The following EPB41L4B variants were observed in gnomAD, a reference collection of about 807,000 sequenced individuals.
The protein encoded by EPB41L4B is band 4.1-like protein 4B.
A neutral mutation model predicts 112.5 loss-of-function variants in EPB41L4B; 30 were observed. The ratio of observed to expected loss-of-function variants is 0.27; its 90% CI spans 0.20 to 0.36. The LOEUF is 0.36. Among genes scored for constraint, EPB41L4B ranks in the 10% least tolerant of loss-of-function variants. The pLI is 1.00. For synonymous variants in EPB41L4B, 408 were observed against 439.7 expected (o/e 0.93, Z 0.90); for missense variants, 1,024 against 1,133.3 (o/e 0.90, Z 1.38).
At chr9:109,251,004 T>C (rs1357584593) in intron 13 of EPB41L4B, among the ~76,000 whole-genome samples, 1 of 152,238 alleles carries the variant, frequency 6.6e-6, no homozygotes, top group Non-Finnish European at 1.5e-5. Flanking sequence ...TGCTGAATCC[T>C]GTGCTGGCAA....
chr9:109,183,667 T>C (rs1832146803), intron 23 of EPB41L4B, among the ~76,000 whole-genome samples: 1 of 152,174 alleles, frequency 6.6e-6, no homozygotes, highest in Non-Finnish European at 1.5e-5. Context: ...TGCACATTCC[T>C]GGGGGACAGA....
intron 17 of EPB41L4B, among the ~76,000 whole-genome samples, chr9:109,210,616 T>C (rs1833132506): frequency 6.6e-6 from 1 of 152,252 alleles, no homozygotes; most frequent in Admixed American, 6.5e-5. Context: ...TTGTTCATTC[T>C]GGACAATGCA....
intron 19 of EPB41L4B, among the ~76,000 whole-genome samples, chr9:109,203,304 G>C (rs1479980454): frequency 1.3e-5 from 2 of 152,142 alleles, no homozygotes; most frequent in Non-Finnish European, 2.9e-5. Flanking sequence ...GGTCTTGAAG[G>C]GCCTGGCCTC....
At chr9:109,235,523 G>A (rs116110620) in intron 15 of EPB41L4B, among the ~76,000 whole-genome samples, 1,877 of 150,338 alleles carry the variant, frequency 0.012, 30 homozygotes, top group African/African-American at 0.036. Flanking sequence ...AGTCTCCCAA[G>A]TAGCTGGGAC....
chr9:109,321,018 G>A lies in EPB41L4B; in HGVS notation c.-572C>T, dbSNP rs1470137987. 2 of 187,354 alleles carry A rather than the reference G, an allele frequency of 1.1e-5. No individual in the cohort carries two copies. The highest frequency in any genetic ancestry group is 5.9e-5 in the Admixed American group (1 of 16,952). 11.6% of individuals were successfully genotyped at this position (187,354 alleles called of 1,614,324 possible). ...GGAGGCTGCACCTCCAGCCGCCGCC[G>A]CCGCCGCCGCCGCCGCTGCCGCCGG... On this transcript the variant is annotated 5_prime_UTR_variant, in exon 1 of 26. Coordinates refer to ENST00000374566, the MANE Select transcript of EPB41L4B (RefSeq NM_019114.5).
At chr9:109,245,279 T>G (rs1233620912) in intron 14 of EPB41L4B, among the ~76,000 whole-genome samples, 1 of 152,218 alleles carries the variant, frequency 6.6e-6, no homozygotes, top group Admixed American at 6.5e-5. Context: ...AAGGCTGACC[T>G]AGAACTGGAC....
chr9:109,263,008 C>A, intron 6 of EPB41L4B, 42 bp downstream of exon 6: 1 of 1,372,458 alleles, frequency 7.3e-7, no homozygotes, highest in Admixed American at 1.8e-5. Context: ...AAATAAAAAG[C>A]AATAACATTA....
At chr9:109,241,620 A>T in intron 15 of EPB41L4B, 1 of 1,609,372 alleles carries the variant, frequency 6.2e-7, no homozygotes, top group South Asian at 1.1e-5. Context: ...ATGGAATGCA[A>T]TGAAACTATG....
intron 1 of EPB41L4B, among the ~76,000 whole-genome samples, chr9:109,283,630 G>C (rs955894498): frequency 6.6e-6 from 1 of 152,138 alleles, no homozygotes; most frequent in Non-Finnish European, 1.5e-5. Flanking sequence ...TAGGTAAACA[G>C]ACTTTAAAGG....
chr9:109,247,731 A>G, intron 14 of EPB41L4B, 25 bp downstream of exon 14: 1 of 1,372,310 alleles, frequency 7.3e-7, no homozygotes, highest in Non-Finnish European at 9.5e-7. Context: ...TTCTTTAAAG[A>G]AAACCTTTAA....
intron 1 of EPB41L4B, among the ~76,000 whole-genome samples, chr9:109,306,435 A>G (rs955456310): frequency 1.3e-5 from 2 of 152,034 alleles, no homozygotes; most frequent in African/African-American, 2.4e-5. Context: ...CCAATATGGC[A>G]AAACCCCGTC....
chr9:109,196,523 G>C (rs1052742300), intron 20 of EPB41L4B, among the ~76,000 whole-genome samples: 2 of 152,094 alleles, frequency 1.3e-5, no homozygotes, highest in Non-Finnish European at 2.9e-5. Context: ...TCCGAGACCA[G>C]CCTGGGCAAC....
chr9:109,253,597 G>T, intron 11 of EPB41L4B, 47 bp from the exon 12 acceptor site: 1 of 1,214,852 alleles, frequency 8.2e-7, no homozygotes, highest in Non-Finnish European at 1.2e-6. Flanking sequence ...CAGAATCTCA[G>T]TACATTACCT....
chr9:109,230,388 C>T (rs1220176441), intron 15 of EPB41L4B, among the ~76,000 whole-genome samples: 1 of 152,158 alleles, frequency 6.6e-6, no homozygotes, highest in Non-Finnish European at 1.5e-5. Flanking sequence ...CTTGGCTTTG[C>T]TGCTGTTTGC....
chr9:109,296,556 G>C (rs1393088710), intron 1 of EPB41L4B, among the ~76,000 whole-genome samples: 4 of 152,168 alleles, frequency 2.6e-5, no homozygotes, highest in East Asian at 1.9e-4. Flanking sequence ...TGGGGATGAA[G>C]GTAGCCTCAT....
intron 1 of EPB41L4B, among the ~76,000 whole-genome samples, chr9:109,295,794 CT>C (rs1836713114): frequency 6.6e-6 from 1 of 152,028 alleles, no homozygotes; most frequent in Non-Finnish European, 1.5e-5. Flanking sequence ...GTGTTATAAA[CT>C]CCTTGGCCAT....
intron 2 of EPB41L4B, among the ~76,000 whole-genome samples, chr9:109,269,410 G>A (rs971039169): frequency 2.0e-5 from 3 of 152,220 alleles, no homozygotes; most frequent in Admixed American, 6.5e-5. Flanking sequence ...AGTCAAAGTC[G>A]TTGATACTGC....
In EPB41L4B at chr9:109,321,020, C is replaced by CGCCGCCGCCGCCGCT. The variant is rs1427017471; in HGVS notation, c.-589_-575dup. The stretch of plus-strand genomic sequence containing the variant: ...AGGCTGCACCTCCAGCCGCCGCCGC[C>CGCCGCCGCCGCCGCT]GCCGCCGCCGCCGCTGCCGCCGGGA... On this transcript the variant is annotated 5_prime_UTR_variant, in exon 1 of 26. Transcript: ENST00000374566. 5.3e-6 allele frequency: 1 copy of CGCCGCCGCCGCCGCT among 188,504 alleles called. No individual in the cohort carries two copies. Among genetic ancestry groups the CGCCGCCGCCGCCGCT allele is most frequent in the Non-Finnish European group, 1.1e-5 (1 of 93,966 alleles). The allele number at this position is 188,504 out of a possible 1,614,324, so 11.7% of individuals were successfully genotyped here.
At chr9:109,233,816 GCCA>G (rs1249002652) in intron 15 of EPB41L4B, among the ~76,000 whole-genome samples, 1 of 152,118 alleles carries the variant, frequency 6.6e-6, no homozygotes, top group African/African-American at 2.4e-5. Context: ...ACAGGCATGA[GCCA>G]CCACGCTTAG....
Sources: gnomAD v4.1 joint callset for allele counts (sites outside exome capture counted in the v4.1 genomes callset) on GRCh38, gnomAD v4.1.1 for gene constraint, MANE v1.5 for transcripts, NCBI Gene and HGNC (gene_info 2026-07-23, HGNC 2026-07-21) for gene names.